Variants in NRXN1 observed in about 807,000 individuals in gnomAD.
NRXN1 encodes the protein neurexin-1.
A neutral mutation model predicts 150.9 loss-of-function variants in NRXN1; 39 were observed. The observed-to-expected ratio is 0.26, with a 90% CI of 0.20 to 0.34. NRXN1 has a LOEUF of 0.34. Ranked by LOEUF, NRXN1 falls within the 10% of genes least tolerant of loss-of-function variation. The probability of loss-of-function intolerance (pLI) is 1.00; values close to 1 mark genes in which losing one functional copy is unlikely to be tolerated. For missense variants in NRXN1, 1,815 were observed against 1,949.9 expected, an observed-to-expected ratio of 0.93 and a Z score of 1.30; for synonymous variants, 924 against 757.0, an observed-to-expected ratio of 1.22 and a Z score of -3.62.
intron 5 of NRXN1, among the ~76,000 whole-genome samples, chr2:50,710,868 A>C (rs1020600427): frequency 1.3e-5 from 2 of 152,194 alleles, no homozygotes; most frequent in African/African-American, 4.8e-5. Flanking sequence ...CAAATTCAAC[A>C]CATCTTTAGA....
chr2:50,849,925 G>T (rs920473861), intron 5 of NRXN1, among the ~76,000 whole-genome samples: 2 of 152,040 alleles, frequency 1.3e-5, no homozygotes, highest in Non-Finnish European at 2.9e-5. Context: ...ATACGTATTT[G>T]TCCAGGTGTG....
chr2:50,759,003 T>G (rs1701485398), intron 5 of NRXN1, among the ~76,000 whole-genome samples: 1 of 151,962 alleles, frequency 6.6e-6, no homozygotes, highest in African/African-American at 2.4e-5. Context: ...GTATTAGAGT[T>G]GTTTATTAAC....
chr2:50,195,410 G>C (rs1574434937), intron 18 of NRXN1, among the ~76,000 whole-genome samples: 2 of 152,062 alleles, frequency 1.3e-5, no homozygotes, highest in East Asian at 3.9e-4. Context: ...TAGTAATTCT[G>C]CATTTTGTGC....
intron 21 of NRXN1, among the ~76,000 whole-genome samples, chr2:50,017,863 G>A (rs1172298787): frequency 1.3e-5 from 2 of 152,006 alleles, no homozygotes; most frequent in Admixed American, 1.3e-4. Context: ...AGAGCTATGG[G>A]TTTATTACTC....
chr2:50,941,507 T>C (rs551396685), intron 2 of NRXN1, among the ~76,000 whole-genome samples: 1 of 152,320 alleles, frequency 6.6e-6, no homozygotes, highest in East Asian at 1.9e-4. Flanking sequence ...TGGTCTCAGA[T>C]GAAGATGAAG....
chr2:50,291,328 C>T (rs2882688), intron 17 of NRXN1, among the ~76,000 whole-genome samples: 31 of 152,046 alleles, frequency 2.0e-4, no homozygotes, highest in African/African-American at 5.6e-4. Flanking sequence ...TATTTTAAAA[C>T]GAGTTAAGAG....
At chr2:50,741,287 G>T (rs1171554059) in intron 5 of NRXN1, among the ~76,000 whole-genome samples, 1 of 151,950 alleles carries the variant, frequency 6.6e-6, no homozygotes, top group East Asian at 1.9e-4. Flanking sequence ...TTTCTCTATG[G>T]ATGAAGTTAT....
intron 5 of NRXN1, among the ~76,000 whole-genome samples, chr2:50,806,980 T>C (rs1300417297): frequency 6.6e-6 from 1 of 152,162 alleles, no homozygotes; most frequent in African/African-American, 2.4e-5. Context: ...ATTCAAGATA[T>C]AATTTGTGAT....
rs528914023 is a variant in NRXN1, at chr2:50,836,170, G to A, written c.832+85699C>T. 2.0e-5 allele frequency among the ~76,000 whole-genome samples: 3 copies of A among 152,060 alleles called. No individual in the cohort carries two copies. The East Asian group carries it at 5.8e-4, about 29-fold the overall frequency. ...GGTTTTCTTCTTGTTTTCCTTCGACGGTCGTCTGTAACCTCCCTTTTGTTT... is the reference window on the plus strand; with the variant it reads ...GGTTTTCTTCTTGTTTTCCTTCGACAGTCGTCTGTAACCTCCCTTTTGTTT... On this transcript the variant is annotated intron_variant, in intron 5 of 22. Transcript: ENST00000401669.
intron 5 of NRXN1, among the ~76,000 whole-genome samples, chr2:50,848,937 C>T (rs183728820): frequency 7.7e-4 from 117 of 152,304 alleles, no homozygotes; most frequent in African/African-American, 2.7e-3. Flanking sequence ...TTTGCCTTAA[C>T]GAAAGCAGGT....
intron 2 of NRXN1, among the ~76,000 whole-genome samples, chr2:50,951,523 A>C (rs1435733681): frequency 6.6e-6 from 1 of 152,074 alleles, no homozygotes; most frequent in African/African-American, 2.4e-5. Context: ...TTTTTTTCAG[A>C]ATACAACAAC....
chr2:50,787,434 C>T (rs1485645012), intron 5 of NRXN1, among the ~76,000 whole-genome samples: 7 of 151,602 alleles, frequency 4.6e-5, no homozygotes, highest in Non-Finnish European at 1.0e-4. Context: ...TGTTGGCGGG[C>T]GCCTGTAATC....
chr2:50,369,943 G>T (rs939657099), intron 17 of NRXN1, among the ~76,000 whole-genome samples: 1 of 151,902 alleles, frequency 6.6e-6, no homozygotes, highest in African/African-American at 2.4e-5. Context: ...AAGGCCAAAA[G>T]GAAAATATAA....
At chr2:49,957,133 C>A (rs1675117008) in intron 21 of NRXN1, among the ~76,000 whole-genome samples, 1 of 152,134 alleles carries the variant, frequency 6.6e-6, no homozygotes, top group Non-Finnish European at 1.5e-5. Flanking sequence ...ATGGAAGGAG[C>A]ATGAATGTTG....
intron 17 of NRXN1, among the ~76,000 whole-genome samples, chr2:50,443,341 C>T (rs1469931301): frequency 2.6e-5 from 4 of 152,092 alleles, no homozygotes; most frequent in Non-Finnish European, 4.4e-5. Flanking sequence ...GGAGAATTTT[C>T]TTCTTATTGC....
intron 22 of NRXN1, among the ~76,000 whole-genome samples, chr2:49,939,827 T>C (rs866903396): frequency 6.6e-6 from 1 of 152,326 alleles, no homozygotes. Context: ...CTTTCTATTT[T>C]TGCTCCCAGA....
intron 5 of NRXN1, among the ~76,000 whole-genome samples, chr2:50,903,796 A>G (rs1034083237): frequency 1.3e-5 from 2 of 152,196 alleles, no homozygotes; most frequent in East Asian, 3.9e-4. Context: ...TACTTTCAGG[A>G]TAAAATTGAA....
At chr2:50,872,783 T>C (rs1334237557) in intron 5 of NRXN1, among the ~76,000 whole-genome samples, 1 of 151,550 alleles carries the variant, frequency 6.6e-6, no homozygotes, top group Non-Finnish European at 1.5e-5. Flanking sequence ...CAAGATCTTG[T>C]CTCTACAAAA....
intron 17 of NRXN1, among the ~76,000 whole-genome samples, chr2:50,278,554 AT>A (rs1480418967): frequency 3.3e-5 from 5 of 151,446 alleles, no homozygotes; most frequent in Admixed American, 3.3e-4. Context: ...GGGCCCCTGT[AT>A]TTTGTTAATA....
Sources: allele counts gnomAD v4.1 joint callset (sites outside exome capture counted in the v4.1 genomes callset), GRCh38; gene constraint gnomAD v4.1.1; transcripts MANE v1.5; gene names NCBI Gene and HGNC (gene_info 2026-07-23, HGNC 2026-07-21).